The following GRAMD1A variants were observed in gnomAD, a reference collection of about 807,000 sequenced individuals.
The protein encoded by GRAMD1A is protein Aster-A.
Under a neutral mutation model 92.0 loss-of-function variants are expected in GRAMD1A, and 50 were observed. The ratio of observed to expected loss-of-function variants is 0.54; its 90% confidence interval spans 0.43 to 0.69. The LOEUF (loss-of-function observed/expected upper bound fraction) is 0.69. Ranked by LOEUF, GRAMD1A falls within the 30% of genes least tolerant of loss-of-function variation. The pLI, the probability that GRAMD1A is intolerant of heterozygous loss-of-function variation, is 0.00. For synonymous variants in GRAMD1A, 405 were observed against 403.6 expected, an observed-to-expected ratio of 1.00 and a Z score of -0.04; for missense variants, 819 against 978.9, an observed-to-expected ratio of 0.84 and a Z score of 2.18.
intron 16 of GRAMD1A, 78 bp downstream of exon 16, chr19:35,022,116 C>A: frequency 1.0e-6 from 1 of 974,426 alleles, no homozygotes; most frequent in Non-Finnish European, 1.6e-6. Context: ...AAGTGTGTGG[C>A]CTCTTTGAGC....
At chr19:35,020,658 CAA>C (rs56181450) in intron 13 of GRAMD1A, among the ~76,000 whole-genome samples, 23 of 112,300 alleles carry the variant, frequency 2.0e-4, no homozygotes, top group South Asian at 1.6e-3. Context: ...GACCCTGTCT[CAA>C]AAAAAAAAAA....
intron 11 of GRAMD1A, among the ~76,000 whole-genome samples, chr19:35,017,379 T>G (rs2015716236): frequency 6.6e-6 from 1 of 152,152 alleles, no homozygotes; most frequent in Admixed American, 6.5e-5. Context: ...AGCATAGTTT[T>G]GGGGGCCTTG....
upstream of GRAMD1A, chr19:34,996,148 G>A: frequency 1.3e-6 from 2 of 1,536,068 alleles, no homozygotes; most frequent in Non-Finnish European, 1.7e-6. Flanking sequence ...CCCAGGGCCT[G>A]GCCTCTGAGT....
Position 35,013,160 on chromosome 19 carries a change from A to T in GRAMD1A, c.607-96A>T, listed in dbSNP as rs2015361665. The T allele has an allele frequency of 3.0e-6, 2 of 659,406 alleles. No individual in the cohort carries two copies. Among genetic ancestry groups the T allele is most frequent in the Non-Finnish European group, 5.4e-6 (2 of 372,532 alleles). 40.8% of individuals were successfully genotyped at this position (659,406 alleles called of 1,614,324 possible). A position where few individuals can be genotyped will look rare whatever the true frequency, so the allele number is the denominator to read the frequency against. Reference sequence around the variant, plus strand: ...TCGTGGCTGCCTCCTTGTGGAAGCCAGGGGAACTGCGGAGGCCGAGGGCTG... The same window carrying T: ...TCGTGGCTGCCTCCTTGTGGAAGCCTGGGGAACTGCGGAGGCCGAGGGCTG... On this transcript the variant is annotated intron_variant, in intron 7 of 19. Coordinates refer to ENST00000317991, the MANE Select transcript of GRAMD1A (RefSeq NM_020895.5). This position sits in a 1 kb window ranked among gnomAD's most constrained non-coding sequence, Gnocchi z 4.9.
Position 35,009,212 on chromosome 19 carries a change from G to A in GRAMD1A, c.102G>A (p.Glu34=). The change falls in exon 2 of 20, where the codon GAG becomes GAA. Residue 34 remains glutamate, a synonymous_variant. Coordinates refer to ENST00000317991, the MANE Select transcript of GRAMD1A (RefSeq NM_020895.5). ...QLLPPSRPPP[E]PEPGTMVEKG... ...TGCCCCCAAGCCGGCCCCCACCTGAGCCAGAACCAGGCACCATGGTGGAGA... is the reference window on the plus strand; with the variant it reads ...TGCCCCCAAGCCGGCCCCCACCTGAACCAGAACCAGGCACCATGGTGGAGA... The A allele has an allele frequency of 6.2e-7, 1 of 1,613,918 alleles. No homozygotes were observed. The highest frequency in any genetic ancestry group is 8.5e-7 in the Non-Finnish European group (1 of 1,179,804).
intron 1 of GRAMD1A, among the ~76,000 whole-genome samples, chr19:35,007,693 C>T (rs2014925235): frequency 1.3e-5 from 2 of 151,832 alleles, no homozygotes; most frequent in African/African-American, 4.8e-5. Flanking sequence ...ATAGCTAGAC[C>T]CCATCTGTAC....
In GRAMD1A at chr19:35,011,448, C is replaced by CCT. The variant is rs140658050; in HGVS notation, c.526-10_526-9dup. On this transcript the variant is annotated intron_variant, in intron 6 of 19. Coordinates refer to ENST00000317991, the MANE Select transcript of GRAMD1A (RefSeq NM_020895.5). ...CTGGTCGCTCCCCAACCTGCTCACACCTCTCTCTCTCTCTCTCCCTGACAG... is the reference window on the plus strand; with the variant it reads ...CTGGTCGCTCCCCAACCTGCTCACACCTCTCTCTCTCTCTCTCTCCCTGACAG... The CCT allele has an allele frequency of 3.1e-3, 4,395 of 1,399,510 alleles. 3 individuals carry two copies. The highest frequency in any genetic ancestry group is 0.014 in the African/African-American group (1,010 of 69,724). The allele number at this position is 1,399,510 out of a possible 1,614,324, so 86.7% of individuals were successfully genotyped here.
rs772403182 is a variant in GRAMD1A, at chr19:35,021,835, C to A, written c.1724C>A (p.Pro575His). Residue 575 changes from proline to histidine, a missense_variant, in exon 15 of 20, where the codon CCC becomes CAC. By Grantham distance (77) the Pro-to-His change is moderately conservative (BLOSUM62 -2). Coordinates refer to ENST00000317991, the MANE Select transcript of GRAMD1A (RefSeq NM_020895.5). The surrounding 1 kb of genome is among the most constrained non-coding windows in gnomAD (Gnocchi z 5.3). The stretch of plus-strand genomic sequence containing the variant: ...GGGCCCCAGCACCCAGATCCTGACC[C>A]CTGTGCCCGGGCCGGCATTCACACC... ...GDGPQHPDPD[P>H]CARAGIHTSG... 24 of 1,604,664 alleles carry A rather than the reference C, an allele frequency of 1.5e-5. No homozygotes were observed. The highest frequency in any genetic ancestry group is 8.5e-5 in the Admixed American group (5 of 59,154).
At chr19:35,003,143 C>CGT (rs60437273) in intron 1 of GRAMD1A, among the ~76,000 whole-genome samples, 23,561 of 140,860 alleles carry the variant, frequency 0.17, 2,070 homozygotes, top group Admixed American at 0.29. Context: ...TTGCTCTGTG[C>CGT]GTGTGTGTGT....
At chr19:34,995,099 CTTTG>C (rs778985724) in intron 1 of GRAMD1A, among the ~76,000 whole-genome samples, 34 of 152,320 alleles carry the variant, frequency 2.2e-4, no homozygotes, top group Admixed American at 2.6e-4. Flanking sequence ...GGCCACCTCC[CTTTG>C]TTTGTCTTGG....
chr19:35,004,278 G>A (rs1345083732), intron 1 of GRAMD1A, among the ~76,000 whole-genome samples: 1 of 151,850 alleles, frequency 6.6e-6, no homozygotes, highest in African/African-American at 2.4e-5. Context: ...GAGTGTGACC[G>A]TGTCTCTAAA....
chr19:34,996,037 G>A (rs772012772), upstream of GRAMD1A: 1 of 1,535,096 alleles, frequency 6.5e-7, no homozygotes, highest in South Asian at 1.2e-5. Flanking sequence ...ATGATGTCCT[G>A]CCCCTGATGC....
chr19:35,022,907 G>A lies in GRAMD1A; in HGVS notation c.1849G>A (p.Val617Met). ...TCACTGCTGCTGCTGCAGGATCTGT[G>A]TGAGGTAGGGTCCCGAGTCCTCCCC... Reference protein sequence around the residue: ...ALVLISIVICVSLIILIALNV... With the variant: ...ALVLISIVICMSLIILIALNV... The change falls in exon 17 of 20, where the codon GTG becomes ATG. Residue 617 changes from valine (V) to methionine (M), a missense_variant. Physicochemically the swap from Val to Met is conservative, Grantham distance 21. Transcript: ENST00000317991. The A allele has an allele frequency of 6.2e-7, 1 of 1,602,938 alleles. No homozygotes were observed. The highest frequency in any genetic ancestry group is 8.5e-7 in the Non-Finnish European group (1 of 1,174,788).
intron 13 of GRAMD1A, 140 bp downstream of exon 13, chr19:35,019,673 C>CACTATTCGGAG: frequency 1.2e-6 from 1 of 827,894 alleles, no homozygotes; most frequent in Non-Finnish European, 2.0e-6. Context: ...CCTTGTCCTC[C>CACTATTCGGAG]GAATAGTGGA....
intron 11 of GRAMD1A, among the ~76,000 whole-genome samples, chr19:35,016,944 G>T (rs896540437): frequency 6.6e-6 from 1 of 151,056 alleles, no homozygotes; most frequent in African/African-American, 2.4e-5. Context: ...GGCCAAGGTG[G>T]GAAGTTCATG....
rs2015864885 is a variant in GRAMD1A at position 35,019,256 on chromosome 19, A to T, written c.1279A>T (p.Ile427Phe). 6.2e-7 allele frequency: 1 copy of T among 1,613,512 alleles called. No individual in the cohort carries two copies. Among genetic ancestry groups the T allele is most frequent in the South Asian group, 1.1e-5 (1 of 91,052 alleles). Reference protein sequence around the residue: ...CHQRRVLTYTIPISNPLGPKS... With the variant: ...CHQRRVLTYTFPISNPLGPKS... The stretch of plus-strand genomic sequence containing the variant: ...CCAGCGCCGGGTGCTGACGTACACC[A>T]TCCCCATCAGCAACCCACTGGGCCC... Residue 427 changes from isoleucine (I) to phenylalanine (F), a missense_variant, in exon 12 of 20, where the codon ATC (isoleucine) becomes TTC (phenylalanine). Ile to Phe is a conservative substitution (Grantham distance 21, BLOSUM62 0). This residue lies in a region of GRAMD1A where 577 missense variants were observed against 674.6 expected (regional missense o/e 0.86). Coordinates refer to ENST00000317991, the MANE Select transcript of GRAMD1A (RefSeq NM_020895.5).
rs116619335 is a variant in GRAMD1A, at chr19:35,015,351, C to T, written c.1070-473C>T. On this transcript the variant is annotated intron_variant, in intron 10 of 19. Coordinates refer to ENST00000317991, the MANE Select transcript of GRAMD1A (RefSeq NM_020895.5). Reference sequence around the variant, plus strand: ...GGCAGAGATGGCCTCAGCCCTGCCCCAGACCAGCCCAATGAGAGAGAGCAG... The same window carrying T: ...GGCAGAGATGGCCTCAGCCCTGCCCTAGACCAGCCCAATGAGAGAGAGCAG... 1,447 of 154,730 alleles carry T rather than the reference C, an allele frequency of 9.4e-3. 40 individuals are homozygous for T. The highest frequency in any genetic ancestry group is 0.088 in the South Asian group (440 of 4,996). 9.6% of individuals were successfully genotyped at this position (154,730 alleles called of 1,614,324 possible). A position where few individuals can be genotyped will look rare whatever the true frequency, so the allele number is the denominator to read the frequency against.
At chr19:35,019,071 A>G in intron 11 of GRAMD1A, 120 bp from the exon 12 acceptor site, 4 of 698,738 alleles carry the variant, frequency 5.7e-6, no homozygotes, top group Middle Eastern at 3.3e-4. Flanking sequence ...GTGGGGACAC[A>G]GAGGAGTGGT....
At chr19:35,007,822 G>C (rs1014300513) in intron 1 of GRAMD1A, among the ~76,000 whole-genome samples, 1 of 152,106 alleles carries the variant, frequency 6.6e-6, no homozygotes, top group East Asian at 1.9e-4. Flanking sequence ...GCAGTGAGCC[G>C]TGATTGTGCC....
Sources: allele counts gnomAD v4.1 joint callset (sites outside exome capture counted in the v4.1 genomes callset), GRCh38; gene constraint gnomAD v4.1.1; regional missense constraint gnomAD v4.1.1; non-coding constraint Gnocchi (gnomAD v3.1); transcripts MANE v1.5; gene names NCBI Gene and HGNC (gene_info 2026-07-23, HGNC 2026-07-21).